CPNE4: variants seen among roughly 807,000 people sequenced by gnomAD.
CPNE4 encodes copine-4.
A neutral mutation model predicts 67.9 loss-of-function variants in CPNE4; 25 were observed. The observed-to-expected ratio is 0.37, with a 90% confidence interval of 0.27 to 0.51. The LOEUF is 0.51. Among genes scored for constraint, CPNE4 ranks in the 20% least tolerant of loss-of-function variants. The pLI is 0.93. For missense variants in CPNE4, 464 were observed against 690.8 expected, an observed-to-expected ratio of 0.67 and a Z score of 3.68; for synonymous variants, 242 against 244.9, an observed-to-expected ratio of 0.99 and a Z score of 0.11.
chr3:132,022,414 T>C (rs1583610266), intron 1 of CPNE4, among the ~76,000 whole-genome samples: 1 of 152,012 alleles, frequency 6.6e-6, no homozygotes, highest in Non-Finnish European at 1.5e-5. Flanking sequence ...GGTAAAAGAG[T>C]TCCCAGGAGG....
chr3:131,609,230 A>G (rs956673367), intron 7 of CPNE4, among the ~76,000 whole-genome samples: 3 of 152,220 alleles, frequency 2.0e-5, no homozygotes, highest in African/African-American at 4.8e-5. Context: ...CCCAACAGCT[A>G]ACAAGGAACT....
intron 1 of CPNE4, among the ~76,000 whole-genome samples, chr3:131,987,311 G>T (rs1245409035): frequency 6.6e-6 from 1 of 152,054 alleles, no homozygotes; most frequent in Non-Finnish European, 1.5e-5. Flanking sequence ...TACATTTGAT[G>T]TGGGAAAAGG....
intron 2 of CPNE4, among the ~76,000 whole-genome samples, chr3:131,804,290 A>G (rs924015796): frequency 1.8e-4 from 27 of 152,040 alleles, no homozygotes; most frequent in African/African-American, 6.5e-4. Flanking sequence ...TTCAGACACA[A>G]GAAATTGGGA....
intron 1 of CPNE4, among the ~76,000 whole-genome samples, chr3:131,975,937 T>C (rs2072639050): frequency 6.6e-6 from 1 of 152,118 alleles, no homozygotes; most frequent in Non-Finnish European, 1.5e-5. Context: ...ATAATTTAAA[T>C]GTCCTCTGAT....
intron 1 of CPNE4, among the ~76,000 whole-genome samples, chr3:131,920,386 T>A (rs1427191363): frequency 1.3e-5 from 2 of 152,170 alleles, no homozygotes; most frequent in African/African-American, 2.4e-5. Context: ...TAATTTGTGT[T>A]CCTACAGTTC....
intron 2 of CPNE4, among the ~76,000 whole-genome samples, chr3:131,836,965 A>T (rs2085581309): frequency 6.6e-6 from 1 of 152,188 alleles, no homozygotes; most frequent in African/African-American, 2.4e-5. Context: ...AAATAGGCAT[A>T]TGAAAAGATG....
intron 2 of CPNE4, among the ~76,000 whole-genome samples, chr3:131,848,703 C>A (rs911095673): frequency 6.6e-6 from 1 of 151,426 alleles, no homozygotes; most frequent in African/African-American, 2.4e-5. Context: ...TGCGCTCAAC[C>A]CCAATTTGGT....
chr3:131,986,538 T>C (rs1560739794), intron 1 of CPNE4, among the ~76,000 whole-genome samples: 1 of 152,094 alleles, frequency 6.6e-6, no homozygotes, highest in East Asian at 1.9e-4. Flanking sequence ...AAGATCTGCT[T>C]TATTCTGAGA....
chr3:131,785,609 C>T (rs538407540), intron 2 of CPNE4, among the ~76,000 whole-genome samples: 1 of 151,774 alleles, frequency 6.6e-6, no homozygotes, highest in East Asian at 1.9e-4. Flanking sequence ...ACTTCTTGTT[C>T]TTCGGGTAAA....
At chr3:131,863,110 G>T (rs2086763679) in intron 2 of CPNE4, among the ~76,000 whole-genome samples, 1 of 152,040 alleles carries the variant, frequency 6.6e-6, no homozygotes, top group Non-Finnish European at 1.5e-5. Context: ...GTCTATCATT[G>T]TTGGACATTT....
chr3:132,015,530 C>CA (rs2073871846), intron 1 of CPNE4, among the ~76,000 whole-genome samples: 1 of 151,442 alleles, frequency 6.6e-6, no homozygotes, highest in African/African-American at 2.4e-5. Context: ...CACACACACA[C>CA]CCAACACATA....
At chr3:131,669,892 TTAA>T in intron 6 of CPNE4, 128 bp from the exon 7 acceptor site, 1 of 732,688 alleles carries the variant, frequency 1.4e-6, no homozygotes, top group South Asian at 1.8e-5. Flanking sequence ...AAGAGGTGCC[TTAA>T]TAAAAACTTG....
In CPNE4 at chr3:131,534,421, A is replaced by G. The variant is rs1935028245; in HGVS notation, c.*774T>C. On this transcript the variant is annotated 3_prime_UTR_variant, in exon 16 of 16. Transcript: ENST00000429747. ...GATGGTCTCCATCATGACACCCTAA[A>G]GTCTAGATCCTCACTCCTCTTGGTA... The G allele has an allele frequency of 6.6e-6, 1 of 152,160 alleles. No individual in the cohort carries two copies. Among genetic ancestry groups the G allele is most frequent in the Non-Finnish European group, 1.5e-5 (1 of 68,020 alleles). The allele number at this position is 152,160 out of a possible 1,614,324, so 9.4% of individuals were successfully genotyped here.
chr3:132,002,567 G>A (rs1049673459), intron 1 of CPNE4, among the ~76,000 whole-genome samples: 10 of 152,106 alleles, frequency 6.6e-5, no homozygotes, highest in African/African-American at 1.2e-4. Flanking sequence ...CTGAAGCATT[G>A]ACACTTGTCC....
intron 7 of CPNE4, among the ~76,000 whole-genome samples, chr3:131,596,621 CA>C (rs58456346): frequency 0.017 from 547 of 32,940 alleles, 1 homozygote; most frequent in African/African-American, 0.022. Context: ...GACTCCGTCT[CA>C]AAAAAAAAAA....
intron 10 of CPNE4, among the ~76,000 whole-genome samples, chr3:131,569,422 G>T (rs561885832): frequency 1.7e-3 from 259 of 151,986 alleles, no homozygotes; most frequent in African/African-American, 6.1e-3. Context: ...ATAACTTGAG[G>T]CCAGGAGTTT....
intron 1 of CPNE4, among the ~76,000 whole-genome samples, chr3:131,958,819 C>G (rs2072068970): frequency 6.6e-6 from 1 of 151,194 alleles, no homozygotes; most frequent in Admixed American, 6.6e-5. Flanking sequence ...CCACCACGCC[C>G]AGCTAATTTT....
chr3:131,667,520 A>G (rs1188307496), intron 7 of CPNE4, among the ~76,000 whole-genome samples: 2 of 152,012 alleles, frequency 1.3e-5, no homozygotes, highest in Admixed American at 6.6e-5. Flanking sequence ...TAAGGATCCT[A>G]CAGGCACAGG....
intron 7 of CPNE4, among the ~76,000 whole-genome samples, chr3:131,656,866 T>C (rs1211377556): frequency 6.6e-6 from 1 of 152,178 alleles, no homozygotes; most frequent in Non-Finnish European, 1.5e-5. Context: ...GTTAAGAACA[T>C]GCCAGCTATT....
Sources: allele counts gnomAD v4.1 joint callset (sites outside exome capture counted in the v4.1 genomes callset), GRCh38; gene constraint gnomAD v4.1.1; transcripts MANE v1.5; gene names NCBI Gene and HGNC (gene_info 2026-07-23, HGNC 2026-07-21).